CNOT11: variants seen among roughly 807,000 people sequenced by gnomAD.
The protein encoded by CNOT11 is CCR4-NOT transcription complex subunit 11.
CNOT11 carries 18 observed loss-of-function variants against 44.6 expected under a neutral mutation model. The observed-to-expected ratio is 0.40, with a 90% CI of 0.28 to 0.60. The LOEUF (loss-of-function observed/expected upper bound fraction) is 0.60. CNOT11 is among the 20% of genes least tolerant of loss of function. CNOT11 has a pLI of 0.38. For synonymous variants in CNOT11, 291 were observed against 270.9 expected (o/e 1.07, Z -0.73); for missense variants, 513 against 677.0 (o/e 0.76, Z 2.69).
At position 101,269,461 on chromosome 2, in the gene CNOT11, AT is replaced by A; in HGVS notation, c.*51del. 1 of 1,559,404 alleles carries A rather than the reference AT, an allele frequency of 6.4e-7. No homozygotes were observed. Among genetic ancestry groups the A allele is most frequent in the Non-Finnish European group, 8.8e-7 (1 of 1,133,796 alleles). ...CCATTCACTGTTCAGCTGTACTGTG[AT>A]TTAGTTTTTACACCGTTAAAACCCT... is the stretch of plus-strand genomic sequence containing the variant. On this transcript the variant is annotated 3_prime_UTR_variant, in exon 7 of 7. Coordinates refer to ENST00000289382, the MANE Select transcript of CNOT11 (RefSeq NM_017546.5). The surrounding 1 kb of genome is among the most constrained non-coding windows in gnomAD (Gnocchi z 4.8).
intron 5 of CNOT11, among the ~76,000 whole-genome samples, chr2:101,268,560 C>T (rs1192791): frequency 0.15 from 22,121 of 152,224 alleles, 2,057 homozygotes; most frequent in South Asian, 0.3. Context: ...TGGAGCACTA[C>T]ATCCTCATGC....
intron 5 of CNOT11, among the ~76,000 whole-genome samples, chr2:101,268,814 T>C (rs529827399): frequency 6.6e-5 from 10 of 152,266 alleles, no homozygotes; most frequent in African/African-American, 2.4e-4. Context: ...CTCAAAAAAA[T>C]AATTGCGATA....
Position 101,253,578 on chromosome 2 carries a change from C to T in CNOT11, c.514+100C>T, listed in dbSNP as rs1269165354. On this transcript the variant is annotated intron_variant, in intron 1 of 6. Coordinates refer to ENST00000289382, the MANE Select transcript of CNOT11 (RefSeq NM_017546.5). The surrounding 1 kb of genome is among the most constrained non-coding windows in gnomAD (Gnocchi z 4.3). The stretch of plus-strand genomic sequence containing the variant: ...CACCTGAAAGGGAAATTAACTATCC[C>T]TGTGAAATGATCATCCTCTTTTTCC... 2 of 1,074,516 alleles carry T rather than the reference C, an allele frequency of 1.9e-6. No homozygotes were observed. Among genetic ancestry groups the T allele is most frequent in the Admixed American group, 3.6e-5 (1 of 27,498 alleles). 66.6% of individuals were successfully genotyped at this position (1,074,516 alleles called of 1,614,324 possible).
intron 2 of CNOT11, 74 bp downstream of exon 2, chr2:101,258,029 A>G (rs1296914304): frequency 1.4e-6 from 2 of 1,414,200 alleles, no homozygotes; most frequent in Non-Finnish European, 1.9e-6. Flanking sequence ...CTCTACTAAA[A>G]TGATGTTTTT....
rs935114335 is a variant in CNOT11 at position 101,269,586 on chromosome 2, A to G, written c.*173A>G. On this transcript the variant is annotated 3_prime_UTR_variant, in exon 7 of 7. Coordinates refer to ENST00000289382, the MANE Select transcript of CNOT11 (RefSeq NM_017546.5). The surrounding 1 kb of genome is among the most constrained non-coding windows in gnomAD (Gnocchi z 4.8). ...ACTTTTTCTGTGAGATGAATTTTTG[A>G]TAAGAACTAGGGAAAACATGTCTTT... 2 of 544,840 alleles carry G rather than the reference A, an allele frequency of 3.7e-6. No homozygotes were observed. Among genetic ancestry groups the G allele is most frequent in the Non-Finnish European group, 6.4e-6 (2 of 312,758 alleles). 33.8% of individuals were successfully genotyped at this position (544,840 alleles called of 1,614,324 possible). A position where few individuals can be genotyped will look rare whatever the true frequency, so the allele number is the denominator to read the frequency against.
chr2:101,255,363 C>G (rs1010842880), intron 1 of CNOT11, among the ~76,000 whole-genome samples: 1 of 152,076 alleles, frequency 6.6e-6, no homozygotes, highest in African/African-American at 2.4e-5. Context: ...GGCGCGGTGG[C>G]GGGCGCCTGT....
At chr2:101,262,929 C>A (rs1558768521) in intron 3 of CNOT11, among the ~76,000 whole-genome samples, 1 of 152,004 alleles carries the variant, frequency 6.6e-6, no homozygotes, top group African/African-American at 2.4e-5. Flanking sequence ...CTATGCATAC[C>A]TAAAGATACA....
chr2:101,258,556 T>A (rs1311686588), intron 2 of CNOT11, among the ~76,000 whole-genome samples: 4 of 152,084 alleles, frequency 2.6e-5, no homozygotes, highest in Non-Finnish European at 5.9e-5. Flanking sequence ...GGTTTTTTTT[T>A]AAGTTTTGAT....
chr2:101,264,647 T>C (rs1392331199), intron 3 of CNOT11, among the ~76,000 whole-genome samples, 198 bp from the exon 4 acceptor site: 1 of 152,228 alleles, frequency 6.6e-6, no homozygotes, highest in Non-Finnish European at 1.5e-5. Context: ...GGCATAGTGT[T>C]CTTTCATTGT....
At position 101,266,774 on chromosome 2, in the gene CNOT11, C is replaced by G; in HGVS notation, c.1133C>G (p.Ala378Gly). The change falls in exon 5 of 7, where the codon GCT (alanine) becomes GGT (glycine). Residue 378 changes from alanine to glycine, a missense_variant. By Grantham distance (60) the Ala-to-Gly change is moderately conservative. Transcript: ENST00000289382. ...CTTGTGGAAAACAACCCTTTAGTCG[C>G]TATAGAAATGTTGCTGAAATTAATG... ...PDLVENNPLV[A>G]IEMLLKLMQS... The G allele has an allele frequency of 1.2e-6, 2 of 1,614,064 alleles. No individual in the cohort carries two copies. Among genetic ancestry groups the G allele is most frequent in the Non-Finnish European group, 1.7e-6 (2 of 1,179,946 alleles).
chr2:101,267,577 G>A (rs1682017479), intron 5 of CNOT11, among the ~76,000 whole-genome samples: 1 of 152,162 alleles, frequency 6.6e-6, no homozygotes, highest in Non-Finnish European at 1.5e-5. Context: ...GCTTCCTCGT[G>A]CTCTTCTCCC....
At position 101,269,103 on chromosome 2, in the gene CNOT11, T is replaced by C; in HGVS notation, c.1302T>C (p.Ser434=). The change falls in exon 6 of 7, where the codon TCT becomes TCC. Residue 434 remains serine, a synonymous_variant. Coordinates refer to ENST00000289382, the MANE Select transcript of CNOT11 (RefSeq NM_017546.5). The surrounding 1 kb of genome is among the most constrained non-coding windows in gnomAD (Gnocchi z 4.8). The stretch of plus-strand genomic sequence containing the variant: ...ACCTTTATATATCAAATTGCATCTC[T>C]ACTTGTGAACAGATTAAGGATAAAT... ...FIHLYISNCI[S]TCEQIKDKYM... The C allele has an allele frequency of 6.2e-7, 1 of 1,608,706 alleles. No homozygotes were observed. Among genetic ancestry groups the C allele is most frequent in the South Asian group, 1.1e-5 (1 of 90,706 alleles).
Position 101,269,562 on chromosome 2 carries a change from C to CT in CNOT11, c.*154dup, listed in dbSNP as rs1364010405. On this transcript the variant is annotated 3_prime_UTR_variant, in exon 7 of 7. Transcript: ENST00000289382. This position sits in a 1 kb window ranked among gnomAD's most constrained non-coding sequence, Gnocchi z 4.8. ...AGCAAAGTTTTGCTTTCTTGAATGA[C>CT]TTTTTCTGTGAGATGAATTTTTGAT... 46 of 586,726 alleles carry CT rather than the reference C, an allele frequency of 7.8e-5. 2 individuals are homozygous for CT. In the South Asian group the frequency reaches 9.5e-4, roughly 12 times the overall value. 36.3% of individuals were successfully genotyped at this position (586,726 alleles called of 1,614,324 possible). A position where few individuals can be genotyped will look rare whatever the true frequency, so the allele number is the denominator to read the frequency against.
rs187459214 is a variant in CNOT11 at position 101,263,570 on chromosome 2, G to T, written c.832+879G>T. On this transcript the variant is annotated intron_variant, in intron 3 of 6. Coordinates refer to ENST00000289382, the MANE Select transcript of CNOT11 (RefSeq NM_017546.5). ...GCATCTGTTTTATAGGCTTCTGTGT[G>T]CTTTGAATTATGAAGGCAAGCTTTC... is the stretch of plus-strand genomic sequence containing the variant. Among the ~76,000 whole-genome samples, 673 of 152,290 alleles carry T rather than the reference G, an allele frequency of 4.4e-3. 3 individuals carry two copies. The highest frequency in any genetic ancestry group is 0.015 in the African/African-American group (604 of 41,566).
At chr2:101,258,110 T>G (rs1681773386) in intron 2 of CNOT11, among the ~76,000 whole-genome samples, 155 bp downstream of exon 2, 1 of 152,136 alleles carries the variant, frequency 6.6e-6, no homozygotes, top group Admixed American at 6.6e-5. Context: ...AATGGAAGTC[T>G]TGGCTGGGCA....
chr2:101,255,614 C>A (rs1681721521), intron 1 of CNOT11, among the ~76,000 whole-genome samples: 1 of 152,122 alleles, frequency 6.6e-6, no homozygotes, highest in Non-Finnish European at 1.5e-5. Context: ...ACTCCCAGAG[C>A]TGCTGATATT....
Position 101,269,416 on chromosome 2 carries a change from C to G in CNOT11, c.*3C>G. On this transcript the variant is annotated 3_prime_UTR_variant, in exon 7 of 7. Coordinates refer to ENST00000289382, the MANE Select transcript of CNOT11 (RefSeq NM_017546.5). The surrounding 1 kb of genome is among the most constrained non-coding windows in gnomAD (Gnocchi z 4.8). ...CTGAGACCAAAATGTCAAAATAATA[C>G]CTCATCAGAACCATCCCATCCATTC... The G allele has an allele frequency of 6.2e-7, 1 of 1,612,676 alleles. No homozygotes were observed. Among genetic ancestry groups the G allele is most frequent in the East Asian group, 2.2e-5 (1 of 44,868 alleles).
In CNOT11 at chr2:101,253,536, C is replaced by T. The variant is rs772327871; in HGVS notation, c.514+58C>T. ...AGCGTTAGATTCCGCAGCTTTCCAC[C>T]TGCGCTGCTGGGAACTCACCTGAAA... On this transcript the variant is annotated intron_variant, in intron 1 of 6. Coordinates refer to ENST00000289382, the MANE Select transcript of CNOT11 (RefSeq NM_017546.5). The surrounding 1 kb of genome is among the most constrained non-coding windows in gnomAD (Gnocchi z 4.3). The T allele has an allele frequency of 3.4e-5, 46 of 1,344,198 alleles. No homozygotes were observed. The highest frequency in any genetic ancestry group is 4.3e-5 in the Non-Finnish European group (44 of 1,033,972). 83.3% of individuals were successfully genotyped at this position (1,344,198 alleles called of 1,614,324 possible). A position where few individuals can be genotyped will look rare whatever the true frequency, so the allele number is the denominator to read the frequency against.
chr2:101,260,609 G>T (rs1208774520), intron 2 of CNOT11, among the ~76,000 whole-genome samples: 1 of 152,144 alleles, frequency 6.6e-6, no homozygotes, highest in East Asian at 1.9e-4. Context: ...ATGTCTTCCA[G>T]TGGCATCCGT....
Sources: allele counts gnomAD v4.1 joint callset (sites outside exome capture counted in the v4.1 genomes callset), GRCh38; gene constraint gnomAD v4.1.1; non-coding constraint Gnocchi (gnomAD v3.1); transcripts MANE v1.5; gene names NCBI Gene and HGNC (gene_info 2026-07-23, HGNC 2026-07-21).